ZNF449: variants seen among roughly 807,000 people sequenced by gnomAD.
The protein encoded by ZNF449 is zinc finger and SCAN domain-containing protein 19.
ZNF449 carries 4 observed loss-of-function variants against 32.6 expected under a neutral mutation model. The observed-to-expected ratio is 0.12, with a 90% CI of 0.06 to 0.28. The LOEUF (loss-of-function observed/expected upper bound fraction) is 0.28, where lower values mean the gene tolerates loss of function less well. Ranked by LOEUF, ZNF449 falls within the 10% of genes least tolerant of loss-of-function variation. The pLI, the probability that ZNF449 is intolerant of heterozygous loss-of-function variation, is 1.00. For synonymous variants in ZNF449, 123 were observed against 132.2 expected (o/e 0.93, Z 0.48); for missense variants, 275 against 383.2 (o/e 0.72, Z 2.36).
chrX:135,347,688 C>A, intron 2 of ZNF449: 2 of 1,062,967 alleles, frequency 1.9e-6, no homozygotes, highest in Non-Finnish European at 2.5e-6. Context: ...TTATAATGTC[C>A]ACTTTACTAT....
intron 1 of ZNF449, among the ~76,000 whole-genome samples, chrX:135,346,559 A>T (rs781994421): frequency 8.6e-5 from 6 of 70,000 alleles, no homozygotes; most frequent in Non-Finnish European, 2.1e-4. Context: ...TTAAATGCAA[A>T]GAGATCTATA....
In ZNF449 at chrX:135,360,323, G is replaced by A; in HGVS notation, c.804G>A (p.Gln268=). 1.7e-6 allele frequency: 2 copies of A among 1,211,059 alleles called. No individual in the cohort carries two copies. Among genetic ancestry groups the A allele is most frequent in the Non-Finnish European group, 2.2e-6 (2 of 895,270 alleles). Residue 268 remains glutamine (Q), a synonymous_variant, in exon 5 of 5, where the codon CAG becomes CAA. Transcript: ENST00000339249. The part of the protein sequence containing the change: ...QGPILQKDYV[Q]LENQWETPPE... ...CCATTTTGCAAAAAGACTATGTACAGTTAGAAAATCAATGGGAAACCCCCC... is the reference window on the plus strand; with the variant it reads ...CCATTTTGCAAAAAGACTATGTACAATTAGAAAATCAATGGGAAACCCCCC...
rs186427057 is a variant in ZNF449, at chrX:135,357,353, G to A, written c.560-2539G>A. Among the ~76,000 whole-genome samples the A allele has an allele frequency of 1.1e-4, 12 of 110,778 alleles. No homozygotes were observed. The East Asian group carries it at 2.5e-3, about 23-fold the overall frequency. On this transcript the variant is annotated intron_variant, in intron 3 of 4. Coordinates refer to ENST00000339249, the MANE Select transcript of ZNF449 (RefSeq NM_152695.6). The stretch of plus-strand genomic sequence containing the variant: ...GAGGTCCAAATAATAATTTTTTCCC[G>A]TGGAGACATCCAGGTGTCTCAGCAT...
intron 3 of ZNF449, among the ~76,000 whole-genome samples, chrX:135,356,463 G>A (rs781901232): frequency 1.8e-5 from 2 of 111,643 alleles, no homozygotes; most frequent in South Asian, 7.4e-4. Flanking sequence ...TTGGTCATTT[G>A]TATATTTTCA....
chrX:135,350,240 C>T (rs1474938424), intron 3 of ZNF449, among the ~76,000 whole-genome samples: 2 of 111,081 alleles, frequency 1.8e-5, no homozygotes, highest in African/African-American at 3.3e-5. Context: ...CTGCCTTGGC[C>T]TCTCAAAGTG....
At chrX:135,357,151 A>G (rs2084922514) in intron 3 of ZNF449, among the ~76,000 whole-genome samples, 1 of 111,669 alleles carries the variant, frequency 9.0e-6, no homozygotes, top group Non-Finnish European at 1.9e-5. Flanking sequence ...ATGAAGTCAT[A>G]TGTAATTGTT....
rs944363649 is a variant in ZNF449, at chrX:135,347,697, A to G, written c.354+225A>G. 3.5e-5 allele frequency: 37 copies of G among 1,049,353 alleles called. No individual in the cohort carries two copies. In the Admixed American group the frequency reaches 9.7e-4, roughly 28 times the overall value. 86.5% of individuals were successfully genotyped at this position (1,049,353 alleles called of 1,213,427 possible). On this transcript the variant is annotated intron_variant, in intron 2 of 4. Transcript: ENST00000339249. ...AATAGTTTATAATGTCCACTTTACTATGCACAAATGAAATTGATAGACAAC... is the reference window on the plus strand; with the variant it reads ...AATAGTTTATAATGTCCACTTTACTGTGCACAAATGAAATTGATAGACAAC...
In ZNF449 at chrX:135,349,273, A is replaced by C. The variant is rs782089904; in HGVS notation, c.518A>C (p.Asn173Thr). Reference protein sequence around the residue: ...WIPQAGPPELNYGATGECQNF... With the variant: ...WIPQAGPPELTYGATGECQNF... ...CCACAGGCAGGGCCACCGGAGCTGA[A>C]CTATGGTGCTACTGGAGAATGTCAG... The change falls in exon 3 of 5, where the codon AAC becomes ACC. Residue 173 changes from asparagine (N) to threonine (T), a missense_variant. Around this residue, in one of 3 missense-constraint regions of ZNF449, gnomAD observed 165 missense variants for 175.0 expected, o/e 0.94. Coordinates refer to ENST00000339249, the MANE Select transcript of ZNF449 (RefSeq NM_152695.6). 77 of 1,211,867 alleles carry C rather than the reference A, an allele frequency of 6.4e-5. 1 individual carries two copies. In the South Asian group the frequency reaches 1.4e-3, roughly 21 times the overall value.
rs1245443902 is a variant in ZNF449, at chrX:135,361,371, A to G, written c.*295A>G. 4.7e-6 allele frequency: 1 copy of G among 212,690 alleles called. No homozygotes were observed. Among genetic ancestry groups the G allele is most frequent in the Non-Finnish European group, 8.4e-6 (1 of 118,676 alleles). 17.5% of individuals were successfully genotyped at this position (212,690 alleles called of 1,213,427 possible). A position where few individuals can be genotyped will look rare whatever the true frequency, so the allele number is the denominator to read the frequency against. On this transcript the variant is annotated 3_prime_UTR_variant, in exon 5 of 5. Transcript: ENST00000339249. Reference sequence around the variant, plus strand: ...TGTATCATAGGTGTAAACATAAAGCATATAAATTATGACAATCCTTTTAGA... The same window carrying G: ...TGTATCATAGGTGTAAACATAAAGCGTATAAATTATGACAATCCTTTTAGA...
At chrX:135,347,711 T>C (rs1353703846) in intron 2 of ZNF449, 10 of 1,040,631 alleles carry the variant, frequency 9.6e-6, no homozygotes, top group Non-Finnish European at 1.3e-5. Flanking sequence ...ACAAATGAAA[T>C]TGATAGACAA....
intron 3 of ZNF449, among the ~76,000 whole-genome samples, chrX:135,356,239 C>T (rs930869535): frequency 8.9e-6 from 1 of 111,912 alleles, no homozygotes. Context: ...TCAGGAACTT[C>T]TAGACTGTTT....
At chrX:135,348,583 C>A in intron 2 of ZNF449, 1 of 252,299 alleles carries the variant, frequency 4.0e-6, no homozygotes, top group Non-Finnish European at 6.8e-6. Context: ...CAGGGATACT[C>A]CAGTCTTGTC....
intron 1 of ZNF449, among the ~76,000 whole-genome samples, chrX:135,345,468 G>A (rs1218993450): frequency 8.9e-6 from 1 of 112,003 alleles, no homozygotes; most frequent in African/African-American, 3.2e-5. Context: ...ACGGTTAGGT[G>A]CCTAGACTCT....
In ZNF449 at chrX:135,347,525, C is replaced by T; in HGVS notation, c.354+53C>T. ...ATTGGTCCAAAGGAAGTAGCTGAGG[C>T]AGCTGGGACTAGACCACACATTTGT... On this transcript the variant is annotated intron_variant, in intron 2 of 4. Transcript: ENST00000339249. 1 of 1,199,700 alleles carries T rather than the reference C, an allele frequency of 8.3e-7. No individual in the cohort carries two copies. The highest frequency in any genetic ancestry group is 1.1e-6 in the Non-Finnish European group (1 of 888,167).
In ZNF449 at chrX:135,347,429, T is replaced by C. The variant is rs1569497187; in HGVS notation, c.311T>C (p.Leu104Pro). ...CPENRERVVS[L>P]IEDLQRELEI... ...GAGAATAGAGAAAGAGTTGTGTCAC[T>C]GATAGAAGACTTACAGAGAGAACTT... Residue 104 changes from leucine to proline, a missense_variant, in exon 2 of 5, where the codon CTG becomes CCG. Leu to Pro is a moderately conservative substitution (Grantham distance 98, BLOSUM62 -3). Coordinates refer to ENST00000339249, the MANE Select transcript of ZNF449 (RefSeq NM_152695.6). The C allele has an allele frequency of 8.3e-7, 1 of 1,211,881 alleles. No homozygotes were observed. Among genetic ancestry groups the C allele is most frequent in the Non-Finnish European group, 1.1e-6 (1 of 895,552 alleles).
At chrX:135,358,066 T>C (rs1024435711) in intron 3 of ZNF449, among the ~76,000 whole-genome samples, 3 of 111,721 alleles carry the variant, frequency 2.7e-5, no homozygotes, top group Non-Finnish European at 5.7e-5. Context: ...TTTACTGCTT[T>C]CTTTTTCATT....
rs1556453436 is a variant in ZNF449 at position 135,360,577 on chromosome X, G to A, written c.1058G>A (p.Cys353Tyr). 1 of 1,211,680 alleles carries A rather than the reference G, an allele frequency of 8.3e-7. No individual in the cohort carries two copies. The highest frequency in any genetic ancestry group is 1.1e-6 in the Non-Finnish European group (1 of 895,399). ...RIHSGEEPHK[C>Y]PECGKRFLRS... is the part of the protein sequence containing the mutation. ...CATTCAGGAGAAGAACCTCACAAAT[G>A]CCCTGAATGTGGGAAAAGATTCCTT... Residue 353 changes from cysteine to tyrosine, a missense_variant, in exon 5 of 5, where the codon TGC becomes TAC. Coordinates refer to ENST00000339249, the MANE Select transcript of ZNF449 (RefSeq NM_152695.6).
intron 3 of ZNF449, among the ~76,000 whole-genome samples, chrX:135,352,973 TAGC>T (rs1170860993): frequency 7.2e-5 from 8 of 111,778 alleles, no homozygotes; most frequent in Admixed American, 4.7e-4. Flanking sequence ...CCCCGAAACT[TAGC>T]AGCTTAAAGG....
At chrX:135,346,566 T>A (rs1178491383) in intron 1 of ZNF449, among the ~76,000 whole-genome samples, 1 of 112,308 alleles carries the variant, frequency 8.9e-6, no homozygotes, top group African/African-American at 3.2e-5. Context: ...CAAAGAGATC[T>A]ATAAGGGTTC....
Sources: allele counts gnomAD v4.1 joint callset (sites outside exome capture counted in the v4.1 genomes callset), GRCh38; gene constraint gnomAD v4.1.1; regional missense constraint gnomAD v4.1.1; transcripts MANE v1.5; gene names NCBI Gene and HGNC (gene_info 2026-07-23, HGNC 2026-07-21).